Variants in CENPF observed in about 807,000 individuals in gnomAD.
The protein encoded by CENPF is AH antigen.
Under a neutral mutation model 307.3 loss-of-function variants are expected in CENPF, and 214 were observed. The observed-to-expected ratio is 0.70, with a 90% CI of 0.62 to 0.78. The LOEUF (loss-of-function observed/expected upper bound fraction) is 0.78. CENPF is among the 30% of genes least tolerant of loss of function. The probability of loss-of-function intolerance (pLI) is 0.00; values close to 1 mark genes in which losing one functional copy is unlikely to be tolerated. For synonymous variants in CENPF, 1,259 were observed against 1,270.6 expected, an observed-to-expected ratio of 0.99 and a Z score of 0.19; for missense variants, 3,401 against 3,483.9, an observed-to-expected ratio of 0.98 and a Z score of 0.60.
chr1:214,660,776 T>G (rs1658769086), intron 19 of CENPF, among the ~76,000 whole-genome samples: 1 of 152,248 alleles, frequency 6.6e-6, no homozygotes, highest in South Asian at 2.1e-4. Context: ...CCACTGTCTT[T>G]AGGCAGCTCA....
chr1:214,620,849 A>G lies in CENPF; in HGVS notation c.768A>G (p.Arg256=). 6.2e-7 allele frequency: 1 copy of G among 1,614,232 alleles called. No homozygotes were observed. Among genetic ancestry groups the G allele is most frequent in the Non-Finnish European group, 8.5e-7 (1 of 1,180,040 alleles). The change falls in exon 6 of 20, where the codon CGA becomes CGG. Residue 256 remains arginine, a synonymous_variant. Transcript: ENST00000366955. ...FSGEQEVTPS[R]STLQIGKRDA... The stretch of plus-strand genomic sequence containing the variant: ...GGGAACAAGAGGTGACTCCAAGTCG[A>G]TCAACTTTGCAAATAGGGAAAAGAG...
chr1:214,637,959 CAG>C lies in CENPF; in HGVS notation c.1541_1542del (p.Gln514LeufsTer48). 3 of 1,613,134 alleles carry C rather than the reference CAG, an allele frequency of 1.9e-6. No homozygotes were observed. The highest frequency in any genetic ancestry group is 4.5e-5 in the East Asian group (2 of 44,830). ...HLEAELKNIK[Q>X]CLNQSQNFAE... The stretch of plus-strand genomic sequence containing the variant: ...GGAGGCAGAACTCAAGAACATCAAA[CAG>C]TGTTTAAATCAGAGCCAGAATTTTG... On this transcript the variant is annotated frameshift_variant, in exon 11 of 20. Coordinates refer to ENST00000366955, the MANE Select transcript of CENPF (RefSeq NM_016343.4). LOFTEE classifies it high-confidence loss of function.
chr1:214,619,101 A>C, intron 4 of CENPF, 28 bp from the exon 5 acceptor site: 1 of 1,141,408 alleles, frequency 8.8e-7, no homozygotes, highest in Non-Finnish European at 1.3e-6. Context: ...TGACTGAAAG[A>C]AAACTGTATT....
Position 214,651,772 on chromosome 1 carries a change from C to T in CENPF, c.8046C>T (p.His2682=), listed in dbSNP as rs777956187. Residue 2682 remains histidine, a synonymous_variant, in exon 15 of 20, where the codon CAC becomes CAT. Coordinates refer to ENST00000366955, the MANE Select transcript of CENPF (RefSeq NM_016343.4). ...TGAAGAAGAGCCTAGATTGCATGCA[C>T]AAAGACCAGGTGGAAAAGGAAGGGA... ...SELKKSLDCM[H]KDQVEKEGKV... 1 of 1,612,002 alleles carries T rather than the reference C, an allele frequency of 6.2e-7. No homozygotes were observed. Among genetic ancestry groups the T allele is most frequent in the Admixed American group, 1.7e-5 (1 of 59,650 alleles).
intron 1 of CENPF, chr1:214,605,776 C>T (rs1657008933): frequency 1.9e-6 from 3 of 1,592,806 alleles, no homozygotes; most frequent in East Asian, 2.2e-5. Flanking sequence ...CCTCCACCCA[C>T]AGCGGCTCCA....
chr1:214,637,565 T>C (rs1657996332), intron 10 of CENPF, among the ~76,000 whole-genome samples: 1 of 152,178 alleles, frequency 6.6e-6, no homozygotes, highest in Non-Finnish European at 1.5e-5. Context: ...CTTGAGGATC[T>C]TGTAGATAGG....
At chr1:214,631,481 T>TTTTG (rs557309107) in intron 9 of CENPF, among the ~76,000 whole-genome samples, 156 of 152,204 alleles carry the variant, frequency 1.0e-3, no homozygotes, top group Non-Finnish European at 1.7e-3. Flanking sequence ...TATTTGTGTG[T>TTTTG]TTTGTTTGTT....
chr1:214,622,005 A>G, intron 6 of CENPF, 74 bp from the exon 7 acceptor site: 7 of 1,196,478 alleles, frequency 5.9e-6, no homozygotes, highest in Non-Finnish European at 8.2e-6. Context: ...AAAAGAATAA[A>G]ACAAATGATA....
In CENPF at chr1:214,646,352, T is replaced by C; in HGVS notation, c.6782T>C (p.Leu2261Pro). The C allele has an allele frequency of 6.2e-7, 1 of 1,613,942 alleles. No homozygotes were observed. The highest frequency in any genetic ancestry group is 8.5e-7 in the Non-Finnish European group (1 of 1,179,988). Residue 2261 changes from leucine (L) to proline (P), a missense_variant, in exon 13 of 20, where the codon CTT becomes CCT. Physicochemically the swap from Leu to Pro is moderately conservative, Grantham distance 98. Coordinates refer to ENST00000366955, the MANE Select transcript of CENPF (RefSeq NM_016343.4). ...KEESKTAVEM[L>P]QNQLKELNEA... ...GAATCTAAAACTGCAGTGGAGATGC[T>C]TCAGAATCAGTTAAAGGAGCTAAAT...
chr1:214,663,636 C>A lies in CENPF; in HGVS notation c.9187C>A (p.Arg3063=), dbSNP rs749916622. 6 of 1,614,010 alleles carry A rather than the reference C, an allele frequency of 3.7e-6. No individual in the cohort carries two copies. The highest frequency in any genetic ancestry group is 5.1e-6 in the Non-Finnish European group (6 of 1,180,048). Residue 3063 remains arginine (R), a synonymous_variant, in exon 20 of 20, where the codon CGA becomes AGA. Transcript: ENST00000366955. ...RSPVDSGTIL[R]EPTTKSVPVN... is the part of the protein sequence containing the mutation. ...CCCAGTAGATTCAGGCACCATCCTCCGAGAACCCACCACGAAATCCGTCCC... is the reference window on the plus strand; with the variant it reads ...CCCAGTAGATTCAGGCACCATCCTCAGAGAACCCACCACGAAATCCGTCCC...
chr1:214,653,672 A>G (rs1022603662), intron 16 of CENPF: 5 of 152,740 alleles, frequency 3.3e-5, no homozygotes, highest in Non-Finnish European at 7.3e-5. Flanking sequence ...AGACGATTAT[A>G]TTTTTTAAAT....
In CENPF at chr1:214,646,419, G is replaced by A. The variant is rs986580124; in HGVS notation, c.6849G>A (p.Lys2283=). ...TGTGTGGTGACCAAGAAATTATGAA[G>A]GCCACAGAACAGAGTCTAGACCCAC... ...AALCGDQEIM[K]ATEQSLDPPI... The change falls in exon 13 of 20, where the codon AAG becomes AAA. Residue 2283 remains lysine, a synonymous_variant. Coordinates refer to ENST00000366955, the MANE Select transcript of CENPF (RefSeq NM_016343.4). 6.2e-7 allele frequency: 1 copy of A among 1,614,068 alleles called. No homozygotes were observed. Among genetic ancestry groups the A allele is most frequent in the Admixed American group, 1.7e-5 (1 of 60,002 alleles).
At chr1:214,623,006 G>C (rs1657559455) in intron 7 of CENPF, among the ~76,000 whole-genome samples, 1 of 152,204 alleles carries the variant, frequency 6.6e-6, no homozygotes, top group African/African-American at 2.4e-5. Flanking sequence ...GAGGCTAGGA[G>C]ATCAAGACCA....
At chr1:214,627,369 C>CT (rs10686407) in intron 7 of CENPF, among the ~76,000 whole-genome samples, 49,159 of 83,986 alleles carry the variant, frequency 0.59, 16,315 homozygotes, top group South Asian at 0.69. Flanking sequence ...CCCTCAGGCT[C>CT]TTTTTTTTTT....
rs142984971 is a variant in CENPF, at chr1:214,642,651, A to G, written c.4313A>G (p.Tyr1438Cys). ...TCTAAAATGTCAGAGCTGCAGACCTATGTTGACTCATTAAAGGCCGAAAAT... is the reference window on the plus strand; with the variant it reads ...TCTAAAATGTCAGAGCTGCAGACCTGTGTTGACTCATTAAAGGCCGAAAAT... ...MSSKMSELQT[Y>C]VDSLKAENLV... Residue 1438 changes from tyrosine (Y) to cysteine (C), a missense_variant, in exon 12 of 20, where the codon TAT (tyrosine) becomes TGT (cysteine). By Grantham distance (194) the Tyr-to-Cys change is radical. Transcript: ENST00000366955. 1.6e-4 allele frequency: 260 copies of G among 1,614,124 alleles called. 1 individual carries two copies. The African/African-American group carries it at 2.4e-3, about 15-fold the overall frequency.
At chr1:214,619,957 G>A (rs1274964276) in intron 5 of CENPF, among the ~76,000 whole-genome samples, 1 of 152,104 alleles carries the variant, frequency 6.6e-6, no homozygotes, top group Non-Finnish European at 1.5e-5. Flanking sequence ...TCAGTCATTT[G>A]TATCAATTCT....
At chr1:214,662,831 G>T (rs1241508918) in intron 19 of CENPF, among the ~76,000 whole-genome samples, 1 of 151,346 alleles carries the variant, frequency 6.6e-6, no homozygotes, top group East Asian at 1.9e-4. Flanking sequence ...CCAGGCTGGA[G>T]TGCAGTGGCA....
intron 7 of CENPF, among the ~76,000 whole-genome samples, chr1:214,623,749 G>A (rs925390500): frequency 6.6e-6 from 1 of 152,040 alleles, no homozygotes; most frequent in African/African-American, 2.4e-5. Context: ...CCAGACCTGG[G>A]GCTGGAACAG....
rs537975720 is a variant in CENPF, at chr1:214,648,663, A to G, written c.7831-12A>G. 1.6e-5 allele frequency: 26 copies of G among 1,611,254 alleles called. No individual in the cohort carries two copies. Among genetic ancestry groups the G allele is most frequent in the East Asian group, 4.5e-5 (2 of 44,844 alleles). On this transcript the variant is annotated splice_polypyrimidine_tract_variant and intron_variant, in intron 13 of 19. Transcript: ENST00000366955. ...ACCAAAAAGCAGATTCTAATGAAAGATGAAATTTCAGGTAAACAAAATGAC... is the reference window on the plus strand; with the variant it reads ...ACCAAAAAGCAGATTCTAATGAAAGGTGAAATTTCAGGTAAACAAAATGAC...
Sources: gnomAD v4.1 joint callset for allele counts (sites outside exome capture counted in the v4.1 genomes callset) on GRCh38, gnomAD v4.1.1 for gene constraint, MANE v1.5 for transcripts, NCBI Gene and HGNC (gene_info 2026-07-23, HGNC 2026-07-21) for gene names.